The following SCFD2 variants were observed in gnomAD, a reference collection of about 807,000 sequenced individuals.
SCFD2 encodes the protein sec1 family domain-containing protein 2.
In SCFD2, 54 loss-of-function variants were observed where a neutral mutation model predicts 58.9. The ratio of observed to expected loss-of-function variants is 0.92; its 90% CI spans 0.74 to 1.15. The LOEUF (loss-of-function observed/expected upper bound fraction) is 1.15. Among genes scored for constraint, SCFD2 ranks in the 50% most tolerant of loss-of-function variants. SCFD2 has a pLI of 0.00. For missense variants in SCFD2, 805 were observed against 836.6 expected (o/e 0.96, Z 0.47); for synonymous variants, 321 against 335.9 (o/e 0.96, Z 0.49).
At chr4:52,904,774 G>A (rs1719306149) in intron 7 of SCFD2, among the ~76,000 whole-genome samples, 1 of 152,230 alleles carries the variant, frequency 6.6e-6, no homozygotes, top group Non-Finnish European at 1.5e-5. Context: ...GCCAAGAAAT[G>A]TGGTTAAGAG....
chr4:53,212,875 C>G (rs1560388168), intron 4 of SCFD2, among the ~76,000 whole-genome samples: 1 of 151,456 alleles, frequency 6.6e-6, no homozygotes, highest in Non-Finnish European at 1.5e-5. Context: ...AACCAGCACA[C>G]ATTATTTCTT....
intron 3 of SCFD2, among the ~76,000 whole-genome samples, chr4:53,303,042 C>T (rs985856087): frequency 6.6e-6 from 1 of 152,156 alleles, no homozygotes; most frequent in Non-Finnish European, 1.5e-5. Flanking sequence ...TAGGCATGGG[C>T]AAGGACTTCA....
chr4:52,892,922 C>G (rs1173376858), intron 7 of SCFD2, among the ~76,000 whole-genome samples: 1 of 152,216 alleles, frequency 6.6e-6, no homozygotes, highest in Non-Finnish European at 1.5e-5. Flanking sequence ...TTTTGCTTTA[C>G]AGTTCATACC....
At chr4:53,339,185 G>A (rs899364467) in intron 2 of SCFD2, among the ~76,000 whole-genome samples, 1 of 152,044 alleles carries the variant, frequency 6.6e-6, no homozygotes, top group African/African-American at 2.4e-5. Flanking sequence ...GATTCTAAAT[G>A]TAAGTAGCAG....
At chr4:52,949,884 C>T (rs1001785439) in intron 5 of SCFD2, 11 of 152,284 alleles carry the variant, frequency 7.2e-5, no homozygotes, top group African/African-American at 2.6e-4. Context: ...AGAAGTGCAG[C>T]CTCTGGTGAC....
In SCFD2 at chr4:53,365,910, T is replaced by C; in HGVS notation, c.32A>G (p.Gln11Arg). Reference protein sequence around the residue: MSASGVLSFTQQGWEQVLAKV... With the variant: MSASGVLSFTRQGWEQVLAKV... ...GGCCAGCACCTGCTCCCATCCTTGCTGGGTAAAGGACAGTACGCCCGAGGC... is the reference window on the plus strand; with the variant it reads ...GGCCAGCACCTGCTCCCATCCTTGCCGGGTAAAGGACAGTACGCCCGAGGC... The change falls in exon 1 of 9, where the codon CAG becomes CGG. Residue 11 changes from glutamine (Q) to arginine (R), a missense_variant. Transcript: ENST00000401642. This position sits in a 1 kb window ranked among gnomAD's most constrained non-coding sequence, Gnocchi z 4.3. 1 of 1,587,552 alleles carries C rather than the reference T, an allele frequency of 6.3e-7. No individual in the cohort carries two copies. Among genetic ancestry groups the C allele is most frequent in the Non-Finnish European group, 8.5e-7 (1 of 1,170,582 alleles).
rs550302956 is a variant in SCFD2, at chr4:53,345,992, C to A, written c.1007+6606G>T. 2.0e-5 allele frequency among the ~76,000 whole-genome samples: 3 copies of A among 152,170 alleles called. No homozygotes were observed. The East Asian group carries it at 5.8e-4, about 29-fold the overall frequency. ...GGAGGGATACAATTAGGAGAAATACCTAACGTAAATGACGAGTTGATGGGT... is the reference window on the plus strand; with the variant it reads ...GGAGGGATACAATTAGGAGAAATACATAACGTAAATGACGAGTTGATGGGT... On this transcript the variant is annotated intron_variant, in intron 2 of 8. Coordinates refer to ENST00000401642, the MANE Select transcript of SCFD2 (RefSeq NM_152540.4).
chr4:52,927,193 A>G lies in SCFD2; in HGVS notation c.1562-6323T>C, dbSNP rs1719883235. Among the ~76,000 whole-genome samples, 2 of 152,152 alleles carry G rather than the reference A, an allele frequency of 1.3e-5. 1 individual carries two copies. The highest frequency in any genetic ancestry group is 2.9e-5 in the Non-Finnish European group (2 of 68,036). Reference sequence around the variant, plus strand: ...AATCTCTCTCTTACAAACATTTCTAAATTATTCTATCCACACCTCCATATG... The same window carrying G: ...AATCTCTCTCTTACAAACATTTCTAGATTATTCTATCCACACCTCCATATG... On this transcript the variant is annotated intron_variant, in intron 5 of 8. Coordinates refer to ENST00000401642, the MANE Select transcript of SCFD2 (RefSeq NM_152540.4).
intron 5 of SCFD2, among the ~76,000 whole-genome samples, chr4:52,978,912 C>T (rs905185238): frequency 1.3e-5 from 2 of 152,072 alleles, no homozygotes; most frequent in Admixed American, 6.5e-5. Context: ...CCAGTGTAAC[C>T]TGTTGGACTG....
At chr4:53,283,836 G>T (rs1339542235) in intron 3 of SCFD2, among the ~76,000 whole-genome samples, 3 of 151,934 alleles carry the variant, frequency 2.0e-5, no homozygotes, top group Non-Finnish European at 4.4e-5. Flanking sequence ...TATGCATGTA[G>T]GCCAGGCACG....
chr4:53,087,147 C>G (rs932168558), intron 5 of SCFD2, among the ~76,000 whole-genome samples: 1 of 152,056 alleles, frequency 6.6e-6, no homozygotes, highest in African/African-American at 2.4e-5. Flanking sequence ...AACATATACA[C>G]CAACTACTAC....
At chr4:53,334,319 T>C (rs1297679447) in intron 2 of SCFD2, among the ~76,000 whole-genome samples, 1 of 152,146 alleles carries the variant, frequency 6.6e-6, no homozygotes, top group Non-Finnish European at 1.5e-5. Context: ...TATTGTGGCA[T>C]TATTCACAAT....
At chr4:53,103,694 G>T (rs1421606129) in intron 5 of SCFD2, among the ~76,000 whole-genome samples, 1 of 128,214 alleles carries the variant, frequency 7.8e-6, no homozygotes, top group East Asian at 2.4e-4. Context: ...GTTCCCTGAA[G>T]AAATAGCTGA....
intron 5 of SCFD2, among the ~76,000 whole-genome samples, chr4:52,981,882 G>A (rs1261671282): frequency 6.6e-6 from 1 of 152,178 alleles, no homozygotes; most frequent in Non-Finnish European, 1.5e-5. Flanking sequence ...ACTGTTGGGA[G>A]GAGAAAGACC....
intron 6 of SCFD2, among the ~76,000 whole-genome samples, chr4:52,917,727 C>G (rs1028817441): frequency 1.3e-5 from 2 of 152,178 alleles, no homozygotes; most frequent in Non-Finnish European, 2.9e-5. Flanking sequence ...AGGTCTAGTC[C>G]AGATCCCACT....
chr4:53,048,015 C>T (rs534029674), intron 5 of SCFD2, among the ~76,000 whole-genome samples: 1 of 152,240 alleles, frequency 6.6e-6, no homozygotes, highest in South Asian at 2.1e-4. Flanking sequence ...GTGCACAAGA[C>T]CCAGCAGCAT....
chr4:53,117,633 A>C (rs1725362341), intron 5 of SCFD2, among the ~76,000 whole-genome samples: 1 of 152,166 alleles, frequency 6.6e-6, no homozygotes, highest in African/African-American at 2.4e-5. Context: ...GAGGTGTAGA[A>C]GGGAAGGCTG....
chr4:53,062,391 C>CAATAATAATAATAAT (rs60077342), intron 5 of SCFD2, among the ~76,000 whole-genome samples: 34 of 149,786 alleles, frequency 2.3e-4, no homozygotes, highest in Non-Finnish European at 4.4e-4. Flanking sequence ...CGTACAATAA[C>CAATAATAATAATAAT]AATAATAATA....
intron 8 of SCFD2, among the ~76,000 whole-genome samples, chr4:52,881,549 T>C (rs1560468532): frequency 6.6e-6 from 1 of 152,256 alleles, no homozygotes; most frequent in Non-Finnish European, 1.5e-5. Flanking sequence ...GAGCAGATCA[T>C]GTTTTTGCTT....
Sources: gnomAD v4.1 joint callset for allele counts (sites outside exome capture counted in the v4.1 genomes callset) on GRCh38, gnomAD v4.1.1 for gene constraint, Gnocchi (gnomAD v3.1) non-coding constraint, MANE v1.5 for transcripts, NCBI Gene and HGNC (gene_info 2026-07-23, HGNC 2026-07-21) for gene names.